SPON1: variants seen among roughly 807,000 people sequenced by gnomAD.
The protein encoded by SPON1 is spondin 1, also known as spondin-1.
SPON1 carries 52 observed loss-of-function variants against 111.7 expected under a neutral mutation model. That is an observed-to-expected ratio of 0.47 (90% CI 0.37 to 0.59). The LOEUF (loss-of-function observed/expected upper bound fraction) is 0.59. Among genes scored for constraint, SPON1 ranks in the 20% least tolerant of loss-of-function variants. The pLI, the probability that SPON1 is intolerant of heterozygous loss-of-function variation, is 0.00. For synonymous variants in SPON1, 410 were observed against 395.8 expected (o/e 1.04, Z -0.43); for missense variants, 957 against 1,068.5 (o/e 0.90, Z 1.46).
chr11:13,981,418 C>T (rs1429007548), intron 1 of SPON1, among the ~76,000 whole-genome samples: 3 of 152,162 alleles, frequency 2.0e-5, no homozygotes, highest in Non-Finnish European at 2.9e-5. Flanking sequence ...GCTCCACCTC[C>T]CGGGTTCACA....
chr11:14,166,327 GAAAAGAACA>G (rs1848029038), intron 6 of SPON1, among the ~76,000 whole-genome samples: 1 of 152,168 alleles, frequency 6.6e-6, no homozygotes, highest in Admixed American at 6.5e-5. Context: ...AAATCAGGTA[GAAAAGAACA>G]AATATGATCC....
rs534132871 is a variant in SPON1, at chr11:14,008,329, G to A, written c.345+25376G>A. Among the ~76,000 whole-genome samples, 10 of 152,050 alleles carry A rather than the reference G, an allele frequency of 6.6e-5. No individual in the cohort carries two copies. The South Asian group carries it at 1.3e-3, about 19-fold the overall frequency. On this transcript the variant is annotated intron_variant, in intron 2 of 15. Coordinates refer to ENST00000576479, the MANE Select transcript of SPON1 (RefSeq NM_006108.4). ...AAATACCAAGGAATGATTGTATTTC[G>A]CGGGGACATTTTTCTTCCTACCATT...
At chr11:14,007,193 A>G (rs1346727223) in intron 2 of SPON1, among the ~76,000 whole-genome samples, 3 of 152,206 alleles carry the variant, frequency 2.0e-5, no homozygotes, top group Non-Finnish European at 4.4e-5. Context: ...TAGGGTTTGC[A>G]CTTTTATGAG....
chr11:14,199,805 G>T (rs555764883), intron 6 of SPON1, among the ~76,000 whole-genome samples: 1 of 152,306 alleles, frequency 6.6e-6, no homozygotes, highest in African/African-American at 2.4e-5. Flanking sequence ...ACTCTGGAGG[G>T]TGCAAGCCCT....
intron 3 of SPON1, among the ~76,000 whole-genome samples, chr11:14,061,415 T>C (rs553773686): frequency 6.6e-6 from 1 of 152,376 alleles, no homozygotes; most frequent in South Asian, 2.1e-4. Flanking sequence ...CATCTAATTC[T>C]GTTATCCATC....
chr11:14,154,369 C>T (rs1325444571), intron 6 of SPON1, among the ~76,000 whole-genome samples: 1 of 152,240 alleles, frequency 6.6e-6, no homozygotes, highest in African/African-American at 2.4e-5. Flanking sequence ...CACCTGCACA[C>T]TCACAGGCTT....
chr11:14,118,764 C>T (rs570260990), intron 5 of SPON1, among the ~76,000 whole-genome samples: 33 of 152,302 alleles, frequency 2.2e-4, no homozygotes, highest in Non-Finnish European at 3.8e-4. Flanking sequence ...GAACTTGGCT[C>T]AAGCTGTGGA....
At chr11:14,034,160 T>G in intron 2 of SPON1, among the ~76,000 whole-genome samples, 1 of 152,222 alleles carries the variant, frequency 6.6e-6, no homozygotes, top group Middle Eastern at 3.4e-3. Context: ...AAGAAAAATG[T>G]ATAACCTCTT....
At chr11:14,245,971 C>T (rs1057306415) in intron 7 of SPON1, among the ~76,000 whole-genome samples, 5 of 152,230 alleles carry the variant, frequency 3.3e-5, no homozygotes, top group African/African-American at 7.2e-5. Flanking sequence ...CATCAGTTAC[C>T]AGTCAGGTCA....
At chr11:14,244,611 G>C (rs1390081010) in intron 7 of SPON1, among the ~76,000 whole-genome samples, 1 of 152,090 alleles carries the variant, frequency 6.6e-6, no homozygotes, top group South Asian at 2.1e-4. Context: ...AACTGGGTGT[G>C]GTGGCGCATG....
intron 1 of SPON1, among the ~76,000 whole-genome samples, chr11:13,974,259 G>A (rs776766067): frequency 5.9e-5 from 9 of 152,264 alleles, no homozygotes; most frequent in Admixed American, 2.0e-4. Flanking sequence ...AAGCTGACGC[G>A]CATTGTGGTT....
intron 6 of SPON1, among the ~76,000 whole-genome samples, chr11:14,174,000 A>G (rs1056775319): frequency 6.6e-5 from 10 of 152,150 alleles, no homozygotes; most frequent in African/African-American, 2.4e-4. Flanking sequence ...CAGTTTCTTA[A>G]TTGGATTACT....
At chr11:14,193,973 A>C (rs1848374301) in intron 6 of SPON1, among the ~76,000 whole-genome samples, 1 of 152,206 alleles carries the variant, frequency 6.6e-6, no homozygotes. Flanking sequence ...GAAAGGCAGC[A>C]GTTTACAGAA....
chr11:13,965,353 C>T (rs1554907940), intron 1 of SPON1, among the ~76,000 whole-genome samples: 1 of 152,156 alleles, frequency 6.6e-6, no homozygotes, highest in East Asian at 1.9e-4. Flanking sequence ...GAGGTTCAGG[C>T]CAAGTGTACC....
Position 14,235,676 on chromosome 11 carries a change from C to T in SPON1, c.826-7656C>T, listed in dbSNP as rs1183667771. On this transcript the variant is annotated intron_variant, in intron 6 of 15. Transcript: ENST00000576479. ...CCTAGGCAACAGAGAAAGACCCTGC[C>T]TCAAAAAAAAAAAAAAAAAAAAAAA... 8.9e-4 allele frequency among the ~76,000 whole-genome samples: 63 copies of T among 70,564 alleles called. 1 individual carries two copies. The highest frequency in any genetic ancestry group is 7.7e-5 in the Non-Finnish European group (3 of 38,962). The allele number at this position is 70,564 out of a possible 152,430, so 46.3% of individuals were successfully genotyped here.
At chr11:14,035,303 T>C (rs1313469093) in intron 2 of SPON1, among the ~76,000 whole-genome samples, 2 of 152,176 alleles carry the variant, frequency 1.3e-5, no homozygotes, top group Admixed American at 6.5e-5. Flanking sequence ...AGCTCTGCCA[T>C]TCTGGGACTT....
intron 2 of SPON1, among the ~76,000 whole-genome samples, chr11:14,026,910 C>T (rs1416861848): frequency 6.6e-6 from 1 of 152,174 alleles, no homozygotes; most frequent in Non-Finnish European, 1.5e-5. Flanking sequence ...AGACCAGAAA[C>T]AAAGGCTGTC....
Position 14,161,305 on chromosome 11 carries a change from A to T in SPON1, c.825+25737A>T, listed in dbSNP as rs1172832532. Among the ~76,000 whole-genome samples the T allele has an allele frequency of 1.4e-3, 46 of 31,848 alleles. 2 individuals are homozygous for T. Among genetic ancestry groups the T allele is most frequent in the African/African-American group, 1.8e-3 (21 of 11,524 alleles). 20.9% of individuals were successfully genotyped at this position (31,848 alleles called of 152,430 possible). A position where few individuals can be genotyped will look rare whatever the true frequency, so the allele number is the denominator to read the frequency against. On this transcript the variant is annotated intron_variant, in intron 6 of 15. Transcript: ENST00000576479. ...TATATATTTATATATTTATATATATATTTTTTTATATCTATATATTTATAT... is the reference window on the plus strand; with the variant it reads ...TATATATTTATATATTTATATATATTTTTTTTTATATCTATATATTTATAT...
At chr11:14,075,065 C>T (rs945178312) in intron 3 of SPON1, among the ~76,000 whole-genome samples, 2 of 152,108 alleles carry the variant, frequency 1.3e-5, no homozygotes, top group Admixed American at 1.3e-4. Context: ...ACTTTCTTAC[C>T]TTCACAATAA....
Sources: gnomAD v4.1 joint callset for allele counts (sites outside exome capture counted in the v4.1 genomes callset) on GRCh38, gnomAD v4.1.1 for gene constraint, MANE v1.5 for transcripts, NCBI Gene and HGNC (gene_info 2026-07-23, HGNC 2026-07-21) for gene names.